Variants in ATG14 observed in about 807,000 individuals in gnomAD.
ATG14 encodes beclin 1-associated autophagy-related key regulator.
A neutral mutation model predicts 60.4 loss-of-function variants in ATG14; 35 were observed. That is an observed-to-expected ratio of 0.58 (90% CI 0.44 to 0.77). ATG14 has a LOEUF of 0.77. Ranked by LOEUF, ATG14 falls within the 30% of genes least tolerant of loss-of-function variation. The pLI is 0.00. For missense variants in ATG14, 647 were observed against 626.3 expected (o/e 1.03, Z -0.35); for synonymous variants, 234 against 228.8 (o/e 1.02, Z -0.21).
chr14:55,379,588 AAAAG>A (rs1269170305), intron 7 of ATG14, among the ~76,000 whole-genome samples: 90 of 152,340 alleles, frequency 5.9e-4, no homozygotes, highest in African/African-American at 2.0e-3. Flanking sequence ...AAAAAAATTA[AAAAG>A]AATAAGAATT....
chr14:55,397,270 CAGTA>C, intron 2 of ATG14, 98 bp downstream of exon 2: 2 of 1,008,566 alleles, frequency 2.0e-6, no homozygotes, highest in Non-Finnish European at 3.1e-6. Context: ...ATCCTAAATT[CAGTA>C]AGTTAGCAAT....
intron 7 of ATG14, 151 bp from the exon 8 acceptor site, chr14:55,378,225 A>G (rs1048072320): frequency 4.7e-6 from 3 of 637,782 alleles, no homozygotes; most frequent in African/African-American, 3.7e-5. Flanking sequence ...AGAATACACC[A>G]TTCCCCTCAG....
intron 3 of ATG14, among the ~76,000 whole-genome samples, chr14:55,393,652 C>T (rs1885261968): frequency 6.6e-6 from 1 of 151,616 alleles, no homozygotes; most frequent in Admixed American, 6.6e-5. Flanking sequence ...TCAAGTGATC[C>T]TCCCACCTCA....
chr14:55,405,772 G>A (rs185666579), intron 1 of ATG14, among the ~76,000 whole-genome samples: 17 of 152,114 alleles, frequency 1.1e-4, no homozygotes, highest in Admixed American at 3.3e-4. Flanking sequence ...TGGAGGTACT[G>A]CCTAATATCA....
In ATG14 at chr14:55,382,103, G is replaced by C; in HGVS notation, c.736C>G (p.Leu246Val). The change falls in exon 6 of 10, where the codon CTC becomes GTC. Residue 246 changes from leucine to valine, a missense_variant. Transcript: ENST00000247178. ...TCGTCACAGACCCATCGTCCTGAGA[G>C]GTAAGTTGTCCTCCGGGCTTCAGCA... The part of the protein sequence containing the change: ...KLAEARRTTY[L>V]SGRWVCDDHN... 3 of 1,614,092 alleles carry C rather than the reference G, an allele frequency of 1.9e-6. No homozygotes were observed. The highest frequency in any genetic ancestry group is 2.5e-6 in the Non-Finnish European group (3 of 1,180,012).
At chr14:55,379,974 C>A (rs1364842720) in intron 7 of ATG14, among the ~76,000 whole-genome samples, 1 of 152,170 alleles carries the variant, frequency 6.6e-6, no homozygotes. Context: ...CAGGGCAGGG[C>A]ACAGTGGCTC....
chr14:55,374,658 T>C (rs1884885851), intron 9 of ATG14, among the ~76,000 whole-genome samples: 1 of 152,240 alleles, frequency 6.6e-6, no homozygotes. Context: ...TAGCTGTATT[T>C]TTTTAAATAA....
Position 55,369,528 on chromosome 14 carries a change from A to ACTAT in ATG14, c.*87_*90dup, listed in dbSNP as rs1316479985. 13 of 1,212,246 alleles carry ACTAT rather than the reference A, an allele frequency of 1.1e-5. No individual in the cohort carries two copies. The African/African-American group carries it at 1.7e-4, about 15-fold the overall frequency. 75.1% of individuals were successfully genotyped at this position (1,212,246 alleles called of 1,614,324 possible). A position where few individuals can be genotyped will look rare whatever the true frequency, so the allele number is the denominator to read the frequency against. The stretch of plus-strand genomic sequence containing the variant: ...ACACTTTAACCTCTTTGTTCCAGAC[A>ACTAT]CTATCTTAACTTAAACAGAAAATGT... On this transcript the variant is annotated 3_prime_UTR_variant, in exon 10 of 10. Transcript: ENST00000247178.
At chr14:55,378,467 T>C (rs10137307) in intron 7 of ATG14, among the ~76,000 whole-genome samples, 54,852 of 152,120 alleles carry the variant, frequency 0.36, 10,517 homozygotes, top group Non-Finnish European at 0.42. Flanking sequence ...CAAAGGCTTA[T>C]AACGGCCCTA....
chr14:55,408,049 T>C (rs1822819595), intron 1 of ATG14, among the ~76,000 whole-genome samples: 1 of 152,174 alleles, frequency 6.6e-6, no homozygotes, highest in African/African-American at 2.4e-5. Flanking sequence ...CGTAATACAT[T>C]CTAGGCATCA....
Position 55,368,245 on chromosome 14 carries a change from A to T in ATG14, c.*1374T>A, listed in dbSNP as rs112658461. On this transcript the variant is annotated 3_prime_UTR_variant, in exon 10 of 10. Coordinates refer to ENST00000247178, the MANE Select transcript of ATG14 (RefSeq NM_014924.5). ...GAAATTCTTTTTTTTTTTGAGACGG[A>T]GTTTCGCTCTTGTTGCCCAGGCTGG... is the stretch of plus-strand genomic sequence containing the variant. The T allele has an allele frequency of 2.0e-5, 3 of 152,180 alleles. No homozygotes were observed. The highest frequency in any genetic ancestry group is 6.6e-5 in the Admixed American group (1 of 15,226). 9.4% of individuals were successfully genotyped at this position (152,180 alleles called of 1,614,324 possible).
intron 1 of ATG14, among the ~76,000 whole-genome samples, chr14:55,397,940 ATTCT>A (rs1331371243): frequency 2.8e-4 from 38 of 136,874 alleles, no homozygotes; most frequent in Admixed American, 1.0e-3. Context: ...CATTGCAGTA[ATTCT>A]TTTTTTTTTT....
chr14:55,383,550 C>CAAAAAAAAAAAAAAAAAAAAAAAAAAA (rs1418314144), intron 5 of ATG14, among the ~76,000 whole-genome samples: 1 of 150,922 alleles, frequency 6.6e-6, no homozygotes, highest in Admixed American at 6.6e-5. Context: ...GACTCCATCT[C>CAAAAAAAAAAAAAAAAAAAAAAAAAAA]AAAAAAACAC....
chr14:55,402,954 TATATATATATATATAA>T (rs1427320908), intron 1 of ATG14, among the ~76,000 whole-genome samples: 31 of 56,418 alleles, frequency 5.5e-4, no homozygotes, highest in South Asian at 2.2e-3. Flanking sequence ...TATATATATA[TATATATATATATATAA>T]ATAGCTGGGC....
chr14:55,376,633 G>A (rs1395671840), intron 9 of ATG14, among the ~76,000 whole-genome samples: 11 of 152,182 alleles, frequency 7.2e-5, no homozygotes, highest in Non-Finnish European at 1.5e-5. Context: ...GCTGCATGGG[G>A]GAAGCCAGGC....
intron 9 of ATG14, among the ~76,000 whole-genome samples, chr14:55,376,773 A>G (rs1248014215): frequency 6.6e-6 from 1 of 152,178 alleles, no homozygotes; most frequent in Non-Finnish European, 1.5e-5. Flanking sequence ...GTGTAAATAT[A>G]TAACCATATC....
chr14:55,392,971 G>A (rs1490519489), intron 3 of ATG14, among the ~76,000 whole-genome samples: 1 of 152,168 alleles, frequency 6.6e-6, no homozygotes, highest in African/African-American at 2.4e-5. Flanking sequence ...TGAAGTCTTA[G>A]ATAGAAAAAC....
At chr14:55,391,709 GCTAATGGA>G (rs1321808755) in intron 3 of ATG14, among the ~76,000 whole-genome samples, 1 of 152,098 alleles carries the variant, frequency 6.6e-6, no homozygotes, top group South Asian at 2.1e-4. Flanking sequence ...ATGGCTAGTG[GCTAATGGA>G]CTGGACAGCG....
intron 2 of ATG14, among the ~76,000 whole-genome samples, chr14:55,396,306 G>A (rs1234763163): frequency 6.6e-6 from 1 of 152,166 alleles, no homozygotes; most frequent in Non-Finnish European, 1.5e-5. Context: ...GAGAATTAAT[G>A]ATCTAATAGT....
Sources: gnomAD v4.1 joint callset for allele counts (sites outside exome capture counted in the v4.1 genomes callset) on GRCh38, gnomAD v4.1.1 for gene constraint, MANE v1.5 for transcripts, NCBI Gene and HGNC (gene_info 2026-07-23, HGNC 2026-07-21) for gene names.